The following CCDC157 variants were observed in gnomAD, a reference collection of about 807,000 sequenced individuals.
CCDC157 encodes coiled-coil domain containing 157.
In CCDC157, 60 loss-of-function variants were observed where a neutral mutation model predicts 70.9. The ratio of observed to expected loss-of-function variants is 0.85; its 90% confidence interval spans 0.69 to 1.05. CCDC157 has a LOEUF of 1.05. Among genes scored for constraint, CCDC157 ranks in the 50% least tolerant of loss-of-function variants. CCDC157 has a pLI of 0.00. For synonymous variants in CCDC157, 373 were observed against 422.4 expected, an observed-to-expected ratio of 0.88 and a Z score of 1.43; for missense variants, 943 against 984.2, an observed-to-expected ratio of 0.96 and a Z score of 0.56.
chr22:30,372,216 AGGTCTGCTGGGCCAGCACGGAGCT>A lies in CCDC157; in HGVS notation c.1268_1291del (p.Val423_Leu430del). On this transcript the variant is annotated inframe_deletion, in exon 7 of 12. Coordinates refer to ENST00000338306, the MANE Select transcript of CCDC157 (RefSeq NM_001017437.5). ...GGTCGGCTGGAGGGCGCTGGCCAGC[AGGTCTGCTGGGCCAGCACGGAGCT>A]GGATAAGGAGAAGGCCCGTGTCGAC... 1 of 1,595,576 alleles carries A rather than the reference AGGTCTGCTGGGCCAGCACGGAGCT, an allele frequency of 6.3e-7. No individual in the cohort carries two copies. The highest frequency in any genetic ancestry group is 1.3e-5 in the African/African-American group (1 of 74,880).
chr22:30,364,047 T>C (rs949642511), intron 2 of CCDC157, among the ~76,000 whole-genome samples: 4 of 152,150 alleles, frequency 2.6e-5, no homozygotes. Flanking sequence ...TCCCAGCACT[T>C]TGAGAGGCCA....
intron 7 of CCDC157, chr22:30,372,559 G>C (rs1350138518): frequency 1.8e-5 from 7 of 388,120 alleles, no homozygotes; most frequent in Non-Finnish European, 2.8e-5. Context: ...TCTCCTGCCA[G>C]ATGGCTAAGG....
chr22:30,378,354 C>T lies in CCDC157; in HGVS notation c.*1609C>T, dbSNP rs139459466. 5,041 of 291,254 alleles carry T rather than the reference C, an allele frequency of 0.017. 72 individuals carry two copies. The highest frequency in any genetic ancestry group is 0.026 in the Non-Finnish European group (3,748 of 142,110). The allele number at this position is 291,254 out of a possible 1,614,324, so 18.0% of individuals were successfully genotyped here. A position where few individuals can be genotyped will look rare whatever the true frequency, so the allele number is the denominator to read the frequency against. On this transcript the variant is annotated 3_prime_UTR_variant, in exon 12 of 12. Transcript: ENST00000338306. ...CATAAAATCCCTTTGAGAAGCCAGGCGCAGTGGCTCACGTCTGTAATCCCA... is the reference window on the plus strand; with the variant it reads ...CATAAAATCCCTTTGAGAAGCCAGGTGCAGTGGCTCACGTCTGTAATCCCA...
At chr22:30,370,153 A>T in intron 4 of CCDC157, 173 bp from the exon 5 acceptor site, 1 of 768,978 alleles carries the variant, frequency 1.3e-6, no homozygotes, top group Non-Finnish European at 2.2e-6. Context: ...AAGCTGAGTC[A>T]GAGTAACAGA....
At chr22:30,356,786 C>T, upstream of CCDC157, 1 of 1,422,646 alleles carries the variant, frequency 7.0e-7, no homozygotes, top group Non-Finnish European at 9.3e-7. Flanking sequence ...ACGGGTCCGG[C>T]CGGCATGACT....
chr22:30,362,295 G>A (rs1221887857), intron 2 of CCDC157, among the ~76,000 whole-genome samples, 181 bp downstream of exon 2: 1 of 152,216 alleles, frequency 6.6e-6, no homozygotes, highest in Non-Finnish European at 1.5e-5. Flanking sequence ...CTCAAATAAT[G>A]ATTCCATTCT....
Position 30,376,823 on chromosome 22 carries a change from A to C in CCDC157, c.*78A>C. ...GTAATAAAGCCCCAGCCATTGGCCC[A>C]CAGCAATCTTTGCCTCACAGTATGA... On this transcript the variant is annotated 3_prime_UTR_variant, in exon 12 of 12. Transcript: ENST00000338306. 7.1e-7 allele frequency: 1 copy of C among 1,401,084 alleles called. No individual in the cohort carries two copies. Among genetic ancestry groups the C allele is most frequent in the South Asian group, 1.3e-5 (1 of 76,796 alleles). 86.8% of individuals were successfully genotyped at this position (1,401,084 alleles called of 1,614,324 possible). A position where few individuals can be genotyped will look rare whatever the true frequency, so the allele number is the denominator to read the frequency against.
chr22:30,361,450 G>A (rs1569181973), intron 1 of CCDC157, among the ~76,000 whole-genome samples: 1 of 152,152 alleles, frequency 6.6e-6, no homozygotes, highest in East Asian at 1.9e-4. Flanking sequence ...CTTCCTGGCG[G>A]CCTGCTTCAG....
rs374682365 is a variant in CCDC157 at position 30,366,614 on chromosome 22, C to T, written c.248+366C>T. Reference sequence around the variant, plus strand: ...TAGTTGCTTCTCAGAGTTTCCATTCCGGGCTCTCTTTCCTGTTGTCCTGTG... The same window carrying T: ...TAGTTGCTTCTCAGAGTTTCCATTCTGGGCTCTCTTTCCTGTTGTCCTGTG... On this transcript the variant is annotated intron_variant, in intron 3 of 11. Transcript: ENST00000338306. 1.4e-4 allele frequency: 45 copies of T among 317,550 alleles called. 2 individuals carry two copies. In the East Asian group the frequency reaches 2.3e-3, roughly 16 times the overall value. The allele number at this position is 317,550 out of a possible 1,614,324, so 19.7% of individuals were successfully genotyped here.
chr22:30,372,361 A>G (rs1010310212), intron 7 of CCDC157, 75 bp downstream of exon 7: 66 of 1,439,708 alleles, frequency 4.6e-5, no homozygotes, highest in Non-Finnish European at 5.6e-5. Context: ...CTGTCAGGGA[A>G]TGGGGGATCA....
At chr22:30,373,825 C>G in intron 8 of CCDC157, 61 bp downstream of exon 8, 2 of 1,533,584 alleles carry the variant, frequency 1.3e-6, no homozygotes, top group Non-Finnish European at 1.8e-6. Flanking sequence ...TGCCTGCAGG[C>G]CTGTCCCATG....
intron 1 of CCDC157, among the ~76,000 whole-genome samples, chr22:30,361,544 C>A (rs1932350931): frequency 6.6e-6 from 1 of 152,112 alleles, no homozygotes; most frequent in Admixed American, 6.6e-5. Flanking sequence ...TTTGGGGTAG[C>A]ATTTCCTGTA....
chr22:30,363,683 C>CTT (rs55722661), intron 2 of CCDC157, among the ~76,000 whole-genome samples: 2 of 114,648 alleles, frequency 1.7e-5, no homozygotes, highest in African/African-American at 3.4e-5. Flanking sequence ...GAATGTTTCT[C>CTT]TTTTTTTTTT....
At chr22:30,370,091 A>T in intron 4 of CCDC157, 1 of 611,948 alleles carries the variant, frequency 1.6e-6, no homozygotes, top group Non-Finnish European at 2.9e-6. Context: ...ATACAATCAG[A>T]TCAAGCCTGG....
Position 30,376,363 on chromosome 22 carries a change from C to T in CCDC157, c.1946+16C>T, listed in dbSNP as rs1343555629. 3 of 1,613,210 alleles carry T rather than the reference C, an allele frequency of 1.9e-6. No individual in the cohort carries two copies. Among genetic ancestry groups the T allele is most frequent in the African/African-American group, 1.3e-5 (1 of 74,828 alleles). The stretch of plus-strand genomic sequence containing the variant: ...CATCCCCAGGGTGAGTGAGGCTTTA[C>T]TGGAGGTGGGGCAGGTGAGTGGAGT... On this transcript the variant is annotated intron_variant, in intron 11 of 11. Coordinates refer to ENST00000338306, the MANE Select transcript of CCDC157 (RefSeq NM_001017437.5).
Position 30,378,272 on chromosome 22 carries a change from T to C in CCDC157, c.*1527T>C, listed in dbSNP as rs749987512. 3.2e-5 allele frequency: 13 copies of C among 411,092 alleles called. No individual in the cohort carries two copies. The highest frequency in any genetic ancestry group is 6.6e-5 in the Non-Finnish European group (13 of 195,890). The allele number at this position is 411,092 out of a possible 1,614,324, so 25.5% of individuals were successfully genotyped here. A position where few individuals can be genotyped will look rare whatever the true frequency, so the allele number is the denominator to read the frequency against. On this transcript the variant is annotated 3_prime_UTR_variant, in exon 12 of 12. Coordinates refer to ENST00000338306, the MANE Select transcript of CCDC157 (RefSeq NM_001017437.5). ...CATGTGGTTAGGGCAAGGCTCACAC[T>C]CAAATACTTTCCCTATCTTCAGGTC...
Position 30,378,084 on chromosome 22 carries a change from C to T in CCDC157, c.*1339C>T, listed in dbSNP as rs1380425572. ...ATGTCCTCGCTGGCTGGCTGTAAGC[C>T]AGGTCCTCTCACGGCTCCTAGAGGC... On this transcript the variant is annotated 3_prime_UTR_variant, in exon 12 of 12. Transcript: ENST00000338306. 1 of 470,978 alleles carries T rather than the reference C, an allele frequency of 2.1e-6. No individual in the cohort carries two copies. Among genetic ancestry groups the T allele is most frequent in the Non-Finnish European group, 4.4e-6 (1 of 226,956 alleles). 29.2% of individuals were successfully genotyped at this position (470,978 alleles called of 1,614,324 possible).
Position 30,375,664 on chromosome 22 carries a change from G to T in CCDC157, c.1857+1G>T. The T allele has an allele frequency of 6.2e-7, 1 of 1,611,548 alleles. No homozygotes were observed. The highest frequency in any genetic ancestry group is 8.5e-7 in the Non-Finnish European group (1 of 1,178,696). On this transcript the variant is annotated splice_donor_variant, in intron 10 of 11. Coordinates refer to ENST00000338306, the MANE Select transcript of CCDC157 (RefSeq NM_001017437.5). LOFTEE classifies it high-confidence loss of function. Reference sequence around the variant, plus strand: ...AGTGGCCCAGCAGGGTGGCCTCAAGGTGGGCCTGAGAGGGCGGGCCCTTGG... The same window carrying T: ...AGTGGCCCAGCAGGGTGGCCTCAAGTTGGGCCTGAGAGGGCGGGCCCTTGG...
chr22:30,356,731 T>C, upstream of CCDC157: 1 of 1,494,030 alleles, frequency 6.7e-7, no homozygotes, highest in Non-Finnish European at 8.9e-7. Flanking sequence ...GAGAGGTACC[T>C]GTTTGGGCTC....
Sources: allele counts gnomAD v4.1 joint callset (sites outside exome capture counted in the v4.1 genomes callset), GRCh38; gene constraint gnomAD v4.1.1; transcripts MANE v1.5; gene names NCBI Gene and HGNC (gene_info 2026-07-23, HGNC 2026-07-21).